N4BP2: variants seen among roughly 807,000 people sequenced by gnomAD.
N4BP2 encodes NEDD4 binding protein 2, also known as NEDD4-binding protein 2.
A neutral mutation model predicts 152.8 loss-of-function variants in N4BP2; 91 were observed. That is an observed-to-expected ratio of 0.60 (90% CI 0.50 to 0.71). N4BP2 has a LOEUF of 0.71. Among genes scored for constraint, N4BP2 ranks in the 30% least tolerant of loss-of-function variants. The probability of loss-of-function intolerance (pLI) is 0.00; values close to 1 mark genes in which losing one functional copy is unlikely to be tolerated. For missense variants in N4BP2, 1,923 were observed against 2,059.1 expected (o/e 0.93, Z 1.28); for synonymous variants, 646 against 705.3 (o/e 0.92, Z 1.33).
At chr4:40,139,853 C>G (rs192674686) in intron 14 of N4BP2, among the ~76,000 whole-genome samples, 3 of 127,588 alleles carry the variant, frequency 2.4e-5, no homozygotes, top group African/African-American at 9.1e-5. Flanking sequence ...GAGACAGGGT[C>G]TCACTGTGTT....
At chr4:40,072,242 ATTTTTT>A (rs34754962) in intron 1 of N4BP2, among the ~76,000 whole-genome samples, 1 of 117,574 alleles carries the variant, frequency 8.5e-6, no homozygotes, top group African/African-American at 3.3e-5. Context: ...TGCCTGGCTA[ATTTTTT>A]TTTTTTTTTT....
intron 12 of N4BP2, among the ~76,000 whole-genome samples, chr4:40,128,183 G>T (rs546185404): frequency 6.6e-6 from 1 of 152,172 alleles, no homozygotes; most frequent in East Asian, 1.9e-4. Flanking sequence ...AGGTCAAAAG[G>T]GAAAACATCT....
At chr4:40,068,145 T>C (rs928003577) in intron 1 of N4BP2, among the ~76,000 whole-genome samples, 1 of 152,250 alleles carries the variant, frequency 6.6e-6, no homozygotes, top group African/African-American at 2.4e-5. Flanking sequence ...GCAAGTCCTT[T>C]GCCCACTTTT....
At chr4:40,093,289 T>C (rs1189661067) in intron 2 of N4BP2, among the ~76,000 whole-genome samples, 1 of 152,184 alleles carries the variant, frequency 6.6e-6, no homozygotes, top group Non-Finnish European at 1.5e-5. Flanking sequence ...GGTTTGAGTT[T>C]ATTTGCCCTT....
intron 1 of N4BP2, among the ~76,000 whole-genome samples, chr4:40,070,952 A>G (rs1332662943): frequency 6.7e-6 from 1 of 149,874 alleles, no homozygotes; most frequent in African/African-American, 2.5e-5. Context: ...AGCCTCCTAA[A>G]TAGCTGGGAT....
At chr4:40,089,524 C>T (rs1286930896) in intron 2 of N4BP2, among the ~76,000 whole-genome samples, 1 of 149,270 alleles carries the variant, frequency 6.7e-6, no homozygotes, top group African/African-American at 2.5e-5. Flanking sequence ...ACAGCCTCTG[C>T]CTCCTGGGTT....
chr4:40,067,917 T>C (rs1711713553), intron 1 of N4BP2, among the ~76,000 whole-genome samples: 1 of 152,060 alleles, frequency 6.6e-6, no homozygotes, highest in South Asian at 2.1e-4. Flanking sequence ...TGACCTCAGG[T>C]AATCCACCTG....
the N4BP2 span, among the ~76,000 whole-genome samples, chr4:40,175,839 C>T: frequency 6.7e-6 from 1 of 149,942 alleles, no homozygotes; most frequent in Admixed American, 6.6e-5. Context: ...GCCTGTATTC[C>T]CAGCACTTTG....
chr4:40,163,519 G>A, the N4BP2 span, among the ~76,000 whole-genome samples: 4 of 152,350 alleles, frequency 2.6e-5, no homozygotes, highest in South Asian at 8.3e-4. Context: ...TGCTAGATTG[G>A]TTCTGGGAAA....
the N4BP2 span, chr4:40,167,871 A>G: frequency 6.6e-6 from 1 of 152,214 alleles, no homozygotes; most frequent in Non-Finnish European, 1.5e-5. Flanking sequence ...AAAAGTTACA[A>G]TTTTTCTCAG....
In N4BP2 at chr4:40,150,676, G is replaced by GGGGA. The variant is rs1553928674; in HGVS notation, c.5144-2104_5144-2103insGGGA. 4.1e-5 allele frequency among the ~76,000 whole-genome samples: 6 copies of GGGGA among 146,394 alleles called. No homozygotes were observed. In the South Asian group the frequency reaches 1.1e-3, roughly 26 times the overall value. On this transcript the variant is annotated intron_variant, in intron 16 of 17. Coordinates refer to ENST00000261435, the MANE Select transcript of N4BP2 (RefSeq NM_018177.6). ...ACAGAGTGAGACTCTGTCTCAGGGG[G>GGGGA]AAAAAAAAAAAAGAGGAAGTCTAGG...
In N4BP2 at chr4:40,155,189, C is replaced by G. The variant is rs918341996; in HGVS notation, c.*952C>G. On this transcript the variant is annotated 3_prime_UTR_variant, in exon 18 of 18. Coordinates refer to ENST00000261435, the MANE Select transcript of N4BP2 (RefSeq NM_018177.6). ...GGTGGATCGCCTGAGGTCAGAAGTT[C>G]AAGACCAGCCTGGCCAACATGGTGA... 1 of 152,080 alleles carries G rather than the reference C, an allele frequency of 6.6e-6. No individual in the cohort carries two copies. Among genetic ancestry groups the G allele is most frequent in the Non-Finnish European group, 1.5e-5 (1 of 68,058 alleles). 9.4% of individuals were successfully genotyped at this position (152,080 alleles called of 1,614,324 possible).
At chr4:40,171,252 T>G in the N4BP2 span, among the ~76,000 whole-genome samples, 1 of 152,218 alleles carries the variant, frequency 6.6e-6, no homozygotes, top group African/African-American at 2.4e-5. Flanking sequence ...TGTCCATCCC[T>G]TCTGCCAAAA....
chr4:40,169,379 CA>C, the N4BP2 span, among the ~76,000 whole-genome samples: 150 of 95,006 alleles, frequency 1.6e-3, no homozygotes, highest in South Asian at 0.013. Flanking sequence ...AAGACTGTCT[CA>C]AAAAAAAAAA....
the N4BP2 span, among the ~76,000 whole-genome samples, chr4:40,179,705 T>C: frequency 1.3e-5 from 2 of 151,600 alleles, no homozygotes; most frequent in African/African-American, 4.8e-5. Context: ...GAAAGAATGA[T>C]AAATCATGAA....
At chr4:40,152,336 A>G (rs1210002507) in intron 16 of N4BP2, among the ~76,000 whole-genome samples, 1 of 152,234 alleles carries the variant, frequency 6.6e-6, no homozygotes, top group Admixed American at 6.5e-5. Context: ...GATTCAGAAC[A>G]AAGCTTGATG....
chr4:40,163,215 A>G (rs1339977471), downstream of N4BP2, among the ~76,000 whole-genome samples: 1 of 152,256 alleles, frequency 6.6e-6, no homozygotes, highest in East Asian at 1.9e-4. Context: ...TATGTTTACT[A>G]TGAACTAGGC....
intron 16 of N4BP2, among the ~76,000 whole-genome samples, chr4:40,147,736 G>C (rs1425415816): frequency 6.6e-6 from 1 of 151,806 alleles, no homozygotes; most frequent in East Asian, 1.9e-4. Flanking sequence ...CCCAGACGGG[G>C]TGGCTGCCGG....
intron 1 of N4BP2, among the ~76,000 whole-genome samples, chr4:40,057,905 C>A (rs1466533241): frequency 6.6e-6 from 1 of 152,118 alleles, no homozygotes. Flanking sequence ...GTGGCACGGA[C>A]AGGTTTGTAC....
Sources: gnomAD v4.1 joint callset for allele counts (sites outside exome capture counted in the v4.1 genomes callset) on GRCh38, gnomAD v4.1.1 for gene constraint, MANE v1.5 for transcripts, NCBI Gene and HGNC (gene_info 2026-07-23, HGNC 2026-07-21) for gene names.